Variants in NTM observed in about 807,000 individuals in gnomAD.
NTM encodes the protein IgLON family member 2.
A neutral mutation model predicts 42.1 loss-of-function variants in NTM; 13 were observed. The observed-to-expected ratio is 0.31, with a 90% CI of 0.20 to 0.49. The LOEUF (loss-of-function observed/expected upper bound fraction) is 0.49, where lower values mean the gene tolerates loss of function less well. Among genes scored for constraint, NTM ranks in the 20% least tolerant of loss-of-function variants. NTM has a pLI of 0.99. For synonymous variants in NTM, 187 were observed against 179.2 expected (o/e 1.04, Z -0.35); for missense variants, 373 against 452.8 (o/e 0.82, Z 1.60).
chr11:131,994,510 G>T (rs1216049793), intron 2 of NTM, among the ~76,000 whole-genome samples: 1 of 152,174 alleles, frequency 6.6e-6, no homozygotes. Context: ...AAAACAAGTG[G>T]TATCATTAGA....
At chr11:132,056,132 C>T (rs775517203) in intron 2 of NTM, among the ~76,000 whole-genome samples, 52 of 152,176 alleles carry the variant, frequency 3.4e-4, no homozygotes, top group Non-Finnish European at 6.8e-4. Flanking sequence ...ATGATAAACT[C>T]CTCCCATTGT....
chr11:131,868,778 A>C (rs1213505373), intron 1 of NTM, among the ~76,000 whole-genome samples: 1 of 152,142 alleles, frequency 6.6e-6, no homozygotes, highest in Non-Finnish European at 1.5e-5. Flanking sequence ...TGTCCTGATG[A>C]CATCAGCAAG....
intron 1 of NTM, among the ~76,000 whole-genome samples, chr11:131,375,784 T>C (rs1237494952): frequency 3.7e-5 from 5 of 136,074 alleles, no homozygotes; most frequent in African/African-American, 1.4e-4. Flanking sequence ...GAGAACTTTA[T>C]TTTTTCTTTC....
At chr11:131,511,245 G>C (rs2048199413) in intron 1 of NTM, among the ~76,000 whole-genome samples, 1 of 152,146 alleles carries the variant, frequency 6.6e-6, no homozygotes, top group Non-Finnish European at 1.5e-5. Context: ...CCTTGGACCA[G>C]AGCAGAGATT....
intron 2 of NTM, among the ~76,000 whole-genome samples, chr11:131,989,751 A>ACG (rs2066700906): frequency 5.9e-5 from 9 of 151,832 alleles, no homozygotes; most frequent in Admixed American, 5.9e-4. Flanking sequence ...ACATGAACAC[A>ACG]TACACATACA....
At chr11:131,760,252 G>A (rs189745771) in intron 1 of NTM, among the ~76,000 whole-genome samples, 91 of 152,284 alleles carry the variant, frequency 6.0e-4, no homozygotes, top group African/African-American at 2.0e-3. Flanking sequence ...GGTGATTCAT[G>A]CATATTGCGG....
intron 1 of NTM, among the ~76,000 whole-genome samples, chr11:131,470,273 G>A (rs1952310371): frequency 6.6e-6 from 1 of 152,190 alleles, no homozygotes; most frequent in Non-Finnish European, 1.5e-5. Context: ...TCAGTTGTCT[G>A]AAAGGCAAAG....
At chr11:131,845,758 T>A (rs578119638) in intron 1 of NTM, among the ~76,000 whole-genome samples, 15 of 152,000 alleles carry the variant, frequency 9.9e-5, no homozygotes, top group Non-Finnish European at 1.8e-4. Context: ...TGTAATATTT[T>A]AAAAAAATAA....
At chr11:131,480,450 T>C (rs1953451667) in intron 1 of NTM, among the ~76,000 whole-genome samples, 1 of 152,176 alleles carries the variant, frequency 6.6e-6, no homozygotes, top group Non-Finnish European at 1.5e-5. Context: ...CCACCTTGAC[T>C]TCCTCCCTCT....
At chr11:132,139,954 T>C (rs879812197) in intron 2 of NTM, among the ~76,000 whole-genome samples, 3 of 152,240 alleles carry the variant, frequency 2.0e-5, no homozygotes, top group Non-Finnish European at 4.4e-5. Context: ...GTCAGCAATG[T>C]TACATCCCTA....
intron 2 of NTM, among the ~76,000 whole-genome samples, chr11:132,062,903 A>C (rs1444139744): frequency 1.3e-5 from 2 of 152,194 alleles, no homozygotes; most frequent in Non-Finnish European, 2.9e-5. Flanking sequence ...GTGGGAGTGG[A>C]TACCAGGCAG....
At chr11:131,953,532 A>G (rs1349020786) in intron 2 of NTM, among the ~76,000 whole-genome samples, 2 of 152,220 alleles carry the variant, frequency 1.3e-5, no homozygotes, top group African/African-American at 4.8e-5. Flanking sequence ...TTTGGGAAAA[A>G]ATAGACAATT....
intron 1 of NTM, among the ~76,000 whole-genome samples, chr11:131,683,049 C>A (rs1177617164): frequency 1.3e-5 from 2 of 152,186 alleles, no homozygotes; most frequent in Non-Finnish European, 2.9e-5. Flanking sequence ...TCTAGGAATT[C>A]TGTGGCGAAA....
intron 1 of NTM, among the ~76,000 whole-genome samples, chr11:131,706,307 T>C (rs1565449999): frequency 6.6e-6 from 1 of 152,008 alleles, no homozygotes; most frequent in Non-Finnish European, 1.5e-5. Flanking sequence ...AATATGGATG[T>C]ACCCAGTATT....
At chr11:131,606,168 C>T (rs2060940121) in intron 1 of NTM, among the ~76,000 whole-genome samples, 1 of 152,130 alleles carries the variant, frequency 6.6e-6, no homozygotes, top group South Asian at 2.1e-4. Context: ...CTCAGCCACC[C>T]TGGCTCAAGT....
chr11:132,125,542 A>G (rs202179103), intron 2 of NTM, among the ~76,000 whole-genome samples: 13 of 89,800 alleles, frequency 1.4e-4, no homozygotes, highest in East Asian at 8.0e-4. Flanking sequence ...AGTGTGTGCT[A>G]TGTGATGTAT....
At chr11:131,778,940 C>T (rs908381701) in intron 1 of NTM, among the ~76,000 whole-genome samples, 2 of 152,250 alleles carry the variant, frequency 1.3e-5, no homozygotes, top group African/African-American at 4.8e-5. Flanking sequence ...GGATAGTCAC[C>T]CCTGTGATTA....
intron 1 of NTM, among the ~76,000 whole-genome samples, chr11:131,740,643 T>G (rs1244362905): frequency 6.6e-6 from 1 of 152,186 alleles, no homozygotes; most frequent in East Asian, 1.9e-4. Flanking sequence ...TTTCTGTCCT[T>G]CTAATCCATG....
intron 2 of NTM, among the ~76,000 whole-genome samples, chr11:132,046,605 A>C (rs1210521534): frequency 1.3e-5 from 2 of 152,132 alleles, no homozygotes; most frequent in Non-Finnish European, 2.9e-5. Flanking sequence ...TCAGGCTTTC[A>C]CCTGTTCTCC....
Sources: gnomAD v4.1 joint callset for allele counts (sites outside exome capture counted in the v4.1 genomes callset) on GRCh38, gnomAD v4.1.1 for gene constraint, MANE v1.5 for transcripts, NCBI Gene and HGNC (gene_info 2026-07-23, HGNC 2026-07-21) for gene names.